SLC2A13: variants seen among roughly 807,000 people sequenced by gnomAD.
SLC2A13 encodes proton myo-inositol cotransporter.
A neutral mutation model predicts 64.4 loss-of-function variants in SLC2A13; 32 were observed. The observed-to-expected ratio is 0.50, with a 90% CI of 0.37 to 0.67. The LOEUF is 0.67. Ranked by LOEUF, SLC2A13 falls within the 30% of genes least tolerant of loss-of-function variation. The pLI is 0.00. For missense variants in SLC2A13, 743 were observed against 829.2 expected (o/e 0.90, Z 1.28); for synonymous variants, 338 against 327.1 (o/e 1.03, Z -0.36).
At chr12:39,782,933 T>G (rs190045236) in intron 7 of SLC2A13, among the ~76,000 whole-genome samples, 1 of 152,108 alleles carries the variant, frequency 6.6e-6, no homozygotes, top group Non-Finnish European at 1.5e-5. Flanking sequence ...AGGTTTGTTA[T>G]GTATGTATAC....
chr12:39,835,968 T>C (rs1338713913), intron 6 of SLC2A13, among the ~76,000 whole-genome samples: 1 of 152,086 alleles, frequency 6.6e-6, no homozygotes, highest in African/African-American at 2.4e-5. Flanking sequence ...CCACAAATAT[T>C]TGATTAACAC....
At chr12:40,073,163 C>G (rs531331020) in intron 1 of SLC2A13, among the ~76,000 whole-genome samples, 1 of 152,156 alleles carries the variant, frequency 6.6e-6, no homozygotes, top group East Asian at 1.9e-4. Flanking sequence ...TTCCTTCCAT[C>G]CATCCCTTGT....
chr12:39,846,199 G>T (rs1055593334), intron 6 of SLC2A13, among the ~76,000 whole-genome samples: 5 of 152,060 alleles, frequency 3.3e-5, no homozygotes, highest in African/African-American at 1.2e-4. Flanking sequence ...AAAAACCAAG[G>T]TGGTGAATAC....
At position 39,979,057 on chromosome 12, in the gene SLC2A13, C is replaced by T. The variant is rs367765331; in HGVS notation, c.926-27692G>A. On this transcript the variant is annotated intron_variant, in intron 3 of 9. Transcript: ENST00000280871. ...CTAACTGGGAGGCACCCCCCAGCAG[C>T]GGCACACTGACACCTCACATGGCAG... Among the ~76,000 whole-genome samples, 8 of 151,632 alleles carry T rather than the reference C, an allele frequency of 5.3e-5. No individual in the cohort carries two copies. In the East Asian group the frequency reaches 1.2e-3, roughly 22 times the overall value.
chr12:39,932,931 T>C (rs1416182729), intron 4 of SLC2A13, among the ~76,000 whole-genome samples: 1 of 151,976 alleles, frequency 6.6e-6, no homozygotes, highest in Non-Finnish European at 1.5e-5. Context: ...CTGTGGACCA[T>C]GTGAAAAGCC....
chr12:39,839,997 G>A (rs1031793328), intron 6 of SLC2A13, among the ~76,000 whole-genome samples: 1 of 151,966 alleles, frequency 6.6e-6, no homozygotes, highest in Non-Finnish European at 1.5e-5. Flanking sequence ...TATGTCTCAA[G>A]CATGTATAGT....
At chr12:39,783,837 G>C (rs1941087707) in intron 7 of SLC2A13, among the ~76,000 whole-genome samples, 1 of 152,146 alleles carries the variant, frequency 6.6e-6, no homozygotes, top group African/African-American at 2.4e-5. Context: ...CATCGTCGCA[G>C]CCTAAAATCT....
chr12:39,793,704 G>A (rs1301553915), intron 7 of SLC2A13, among the ~76,000 whole-genome samples: 2 of 152,054 alleles, frequency 1.3e-5, no homozygotes, highest in East Asian at 1.9e-4. Context: ...AACAGAAACC[G>A]AGTCTTGGCT....
intron 7 of SLC2A13, among the ~76,000 whole-genome samples, chr12:39,812,337 T>TTTTCTTTTCTTTTCTTTTCTTTTC (rs1942188229): frequency 7.4e-6 from 1 of 135,188 alleles, no homozygotes; most frequent in African/African-American, 3.0e-5. Flanking sequence ...ACTAATTTCT[T>TTTTCTTTTCTTTTCTTTTCTTTTC]TTTTCTTTTC....
At chr12:39,894,622 TA>T (rs1944693790) in intron 4 of SLC2A13, among the ~76,000 whole-genome samples, 1 of 152,188 alleles carries the variant, frequency 6.6e-6, no homozygotes, top group African/African-American at 2.4e-5. Flanking sequence ...CAAGGGAAAA[TA>T]AAATTAAACT....
rs935147000 is a variant in SLC2A13 at position 39,755,504 on chromosome 12, T to G, written c.*4522A>C. The G allele has an allele frequency of 6.6e-6, 1 of 152,166 alleles. No individual in the cohort carries two copies. The highest frequency in any genetic ancestry group is 1.5e-5 in the Non-Finnish European group (1 of 67,914). 9.4% of individuals were successfully genotyped at this position (152,166 alleles called of 1,614,324 possible). ...AAGTGATATATAGTCCAAAAGCTGC[T>G]AGGAGACAGTTTGGACGTGTAGAAT... On this transcript the variant is annotated 3_prime_UTR_variant, in exon 10 of 10. Transcript: ENST00000280871.
chr12:40,013,419 G>A (rs749180441), intron 3 of SLC2A13, among the ~76,000 whole-genome samples: 5 of 152,188 alleles, frequency 3.3e-5, no homozygotes, highest in Non-Finnish European at 7.3e-5. Flanking sequence ...ATAATTATCT[G>A]AGACAGGTAT....
chr12:39,763,021 G>GA (rs1309407962), intron 9 of SLC2A13, among the ~76,000 whole-genome samples: 1 of 151,986 alleles, frequency 6.6e-6, no homozygotes, highest in East Asian at 1.9e-4. Context: ...GCCTTTCTAT[G>GA]AAAAATGCTT....
chr12:39,853,661 C>G (rs570484445), intron 6 of SLC2A13, among the ~76,000 whole-genome samples: 13 of 149,236 alleles, frequency 8.7e-5, no homozygotes, highest in African/African-American at 3.2e-4. Flanking sequence ...TTTAGTCAGA[C>G]TGCTACAGCC....
chr12:40,078,062 G>A lies in SLC2A13; in HGVS notation c.556+27191C>T, dbSNP rs183345952. 1.8e-3 allele frequency among the ~76,000 whole-genome samples: 267 copies of A among 152,184 alleles called. 3 individuals are homozygous for A. The highest frequency in any genetic ancestry group is 3.4e-4 in the Non-Finnish European group (23 of 67,972). ...CTAGAAGCCTCTGGAGAGAGAGTATGGGGTTTTCTAGATATACAATTATAT... is the reference window on the plus strand; with the variant it reads ...CTAGAAGCCTCTGGAGAGAGAGTATAGGGTTTTCTAGATATACAATTATAT... On this transcript the variant is annotated intron_variant, in intron 1 of 9. Coordinates refer to ENST00000280871, the MANE Select transcript of SLC2A13 (RefSeq NM_052885.4).
intron 4 of SLC2A13, among the ~76,000 whole-genome samples, chr12:39,897,258 TCAAA>T (rs1944948120): frequency 1.3e-5 from 2 of 152,226 alleles, no homozygotes; most frequent in Admixed American, 1.3e-4. Context: ...ACACATTAGG[TCAAA>T]CAGTTTAAAA....
intron 7 of SLC2A13, among the ~76,000 whole-genome samples, chr12:39,803,772 C>G (rs926230609): frequency 2.6e-5 from 4 of 151,902 alleles, no homozygotes; most frequent in Non-Finnish European, 4.4e-5. Flanking sequence ...TGCATCTCAC[C>G]GGAATTCCAA....
At chr12:39,964,373 A>G (rs1157972756) in intron 3 of SLC2A13, among the ~76,000 whole-genome samples, 3 of 152,238 alleles carry the variant, frequency 2.0e-5, no homozygotes, top group Non-Finnish European at 2.9e-5. Flanking sequence ...AAAATGTGGT[A>G]GGAAGTAAAG....
chr12:39,916,727 C>A (rs928770510), intron 4 of SLC2A13, among the ~76,000 whole-genome samples: 2 of 152,096 alleles, frequency 1.3e-5, no homozygotes, highest in Non-Finnish European at 2.9e-5. Context: ...CTGACTTCTA[C>A]AAAATTTAGA....
Sources: allele counts gnomAD v4.1 joint callset (sites outside exome capture counted in the v4.1 genomes callset), GRCh38; gene constraint gnomAD v4.1.1; transcripts MANE v1.5; gene names NCBI Gene and HGNC (gene_info 2026-07-23, HGNC 2026-07-21).